The following GFRA2 variants were observed in gnomAD, a reference collection of about 807,000 sequenced individuals.
The protein encoded by GFRA2 is GDNF family receptor alpha 2.
A neutral mutation model predicts 48.3 loss-of-function variants in GFRA2; 17 were observed. The observed-to-expected ratio is 0.35, with a 90% CI of 0.24 to 0.53. GFRA2 has a LOEUF of 0.53. GFRA2 is among the 20% of genes least tolerant of loss of function. The pLI, the probability that GFRA2 is intolerant of heterozygous loss-of-function variation, is 0.93. For synonymous variants in GFRA2, 305 were observed against 257.2 expected, an observed-to-expected ratio of 1.19 and a Z score of -1.78; for missense variants, 660 against 637.3, an observed-to-expected ratio of 1.04 and a Z score of -0.38.
chr8:21,725,804 C>A (rs940382521), intron 4 of GFRA2, among the ~76,000 whole-genome samples: 3 of 152,200 alleles, frequency 2.0e-5, no homozygotes, highest in African/African-American at 4.8e-5. Context: ...GCCCGCCGGT[C>A]CTCTCAGAGG....
At chr8:21,694,158 A>G (rs1220379573) in intron 8 of GFRA2, among the ~76,000 whole-genome samples, 1 of 148,968 alleles carries the variant, frequency 6.7e-6, no homozygotes, top group East Asian at 2.0e-4. Context: ...CCTCCTAAAT[A>G]TCACAGCAAC....
At chr8:21,747,764 A>ACACC (rs1320541099) in intron 4 of GFRA2, among the ~76,000 whole-genome samples, 1 of 85,026 alleles carries the variant, frequency 1.2e-5, no homozygotes, top group Non-Finnish European at 2.4e-5. Flanking sequence ...CACCACACAC[A>ACACC]CACACACACA....
At chr8:21,769,465 T>C (rs1806339994) in intron 3 of GFRA2, among the ~76,000 whole-genome samples, 1 of 152,226 alleles carries the variant, frequency 6.6e-6, no homozygotes. Flanking sequence ...CCTGGCACGC[T>C]GCATGCCAGT....
At chr8:21,749,994 T>C (rs1305652470) in intron 4 of GFRA2, among the ~76,000 whole-genome samples, 4 of 151,916 alleles carry the variant, frequency 2.6e-5, no homozygotes, top group Non-Finnish European at 5.9e-5. Flanking sequence ...AGGAAGGTAG[T>C]TTTGGGGGGT....
chr8:21,737,832 C>A (rs1221315902), intron 4 of GFRA2, among the ~76,000 whole-genome samples: 1 of 152,180 alleles, frequency 6.6e-6, no homozygotes, highest in Non-Finnish European at 1.5e-5. Context: ...CCTAATCAAA[C>A]AGGGCCTCCT....
intron 7 of GFRA2, among the ~76,000 whole-genome samples, chr8:21,696,794 CAG>C (rs1433973094): frequency 2.0e-5 from 3 of 150,972 alleles, no homozygotes; most frequent in African/African-American, 2.4e-5. Flanking sequence ...GGAAAAATGA[CAG>C]AGAAGAGGAG....
chr8:21,795,745 A>G (rs1184302430), intron 2 of GFRA2, among the ~76,000 whole-genome samples: 1 of 152,206 alleles, frequency 6.6e-6, no homozygotes, highest in Non-Finnish European at 1.5e-5. Context: ...CAAGGTTACA[A>G]CATAGCCAGC....
At chr8:21,741,524 T>G (rs573940432) in intron 4 of GFRA2, among the ~76,000 whole-genome samples, 1 of 152,152 alleles carries the variant, frequency 6.6e-6, no homozygotes, top group Non-Finnish European at 1.5e-5. Flanking sequence ...TCCATCAGAC[T>G]GTCAGCTCCA....
At chr8:21,748,426 CAG>C (rs144872887) in intron 4 of GFRA2, among the ~76,000 whole-genome samples, 30,220 of 151,976 alleles carry the variant, frequency 0.2, 3,791 homozygotes, top group African/African-American at 0.36. Flanking sequence ...GTAAACAAAA[CAG>C]AAATAGTTCT....
chr8:21,714,668 C>T (rs7831813), intron 4 of GFRA2, among the ~76,000 whole-genome samples: 14,724 of 152,130 alleles, frequency 0.097, 1,165 homozygotes, highest in African/African-American at 0.22. Flanking sequence ...ATGTGTCAGG[C>T]GCTATTATCT....
chr8:21,802,902 CA>C (rs1322123452), intron 2 of GFRA2, among the ~76,000 whole-genome samples: 5 of 152,032 alleles, frequency 3.3e-5, no homozygotes, highest in Non-Finnish European at 5.9e-5. Flanking sequence ...TCTAGATATC[CA>C]AAAAGATGAT....
intron 4 of GFRA2, among the ~76,000 whole-genome samples, chr8:21,737,530 C>T (rs556948249): frequency 2.6e-4 from 40 of 152,250 alleles, no homozygotes; most frequent in African/African-American, 9.4e-4. Flanking sequence ...AACAGGGGAG[C>T]CCCTGCCTGT....
intron 1 of GFRA2, chr8:21,783,126 C>T (rs985081247): frequency 1.5e-6 from 1 of 684,920 alleles, no homozygotes; most frequent in African/African-American, 1.8e-5. Flanking sequence ...CATTCCTCCT[C>T]AGCAGCGGCC....
chr8:21,760,865 G>A (rs10092743), intron 3 of GFRA2, among the ~76,000 whole-genome samples: 6,049 of 152,244 alleles, frequency 0.04, 403 homozygotes, highest in African/African-American at 0.14. Flanking sequence ...AAAATCAAGA[G>A]ATGCTGATTT....
chr8:21,702,477 C>T (rs1325408512), intron 7 of GFRA2, among the ~76,000 whole-genome samples: 3 of 152,192 alleles, frequency 2.0e-5, no homozygotes, highest in Admixed American at 6.5e-5. Flanking sequence ...GAGCCTGCTG[C>T]CCCACTCAGA....
At chr8:21,721,348 G>T (rs1334833500) in intron 4 of GFRA2, among the ~76,000 whole-genome samples, 1 of 152,126 alleles carries the variant, frequency 6.6e-6, no homozygotes, top group African/African-American at 2.4e-5. Context: ...ACTAAAGGAG[G>T]CCCCAGTGGC....
At chr8:21,732,837 G>A (rs1804264695) in intron 4 of GFRA2, among the ~76,000 whole-genome samples, 2 of 152,312 alleles carry the variant, frequency 1.3e-5, no homozygotes, top group East Asian at 3.9e-4. Context: ...GGAAAAGATG[G>A]ACAGGCTACA....
At chr8:21,773,841 T>C (rs924886695) in intron 3 of GFRA2, among the ~76,000 whole-genome samples, 18 of 152,196 alleles carry the variant, frequency 1.2e-4, no homozygotes, top group Admixed American at 8.5e-4. Flanking sequence ...CATCTGGCCC[T>C]GTCTGGGGAC....
intron 4 of GFRA2, among the ~76,000 whole-genome samples, chr8:21,721,125 C>T (rs1489240193): frequency 1.3e-5 from 2 of 151,998 alleles, no homozygotes; most frequent in Admixed American, 1.3e-4. Context: ...AAGAACTCTC[C>T]TAACACCTCC....
Sources: gnomAD v4.1 joint callset for allele counts (sites outside exome capture counted in the v4.1 genomes callset) on GRCh38, gnomAD v4.1.1 for gene constraint, MANE v1.5 for transcripts, NCBI Gene and HGNC (gene_info 2026-07-23, HGNC 2026-07-21) for gene names.